NAALAD2: variants seen among roughly 807,000 people sequenced by gnomAD.
NAALAD2 encodes the protein N-acetylated alpha-linked acidic dipeptidase 2.
In NAALAD2, 89 loss-of-function variants were observed where a neutral mutation model predicts 95.6. That is an observed-to-expected ratio of 0.93 (90% CI 0.78 to 1.11). The LOEUF is 1.11. Among genes scored for constraint, NAALAD2 ranks in the 50% least tolerant of loss-of-function variants. The probability of loss-of-function intolerance (pLI) is 0.00; values close to 1 mark genes in which losing one functional copy is unlikely to be tolerated. For synonymous variants in NAALAD2, 264 were observed against 294.4 expected (o/e 0.90, Z 1.06); for missense variants, 894 against 872.4 (o/e 1.02, Z -0.31).
chr11:90,141,568 T>C (rs1029340156), intron 2 of NAALAD2, among the ~76,000 whole-genome samples: 3 of 150,992 alleles, frequency 2.0e-5, no homozygotes, highest in African/African-American at 7.4e-5. Context: ...TGTTGCATCC[T>C]GTGGCCTTGC....
chr11:90,171,682 A>T (rs982281967), intron 13 of NAALAD2, among the ~76,000 whole-genome samples: 4 of 152,182 alleles, frequency 2.6e-5, no homozygotes, highest in Admixed American at 1.3e-4. Context: ...CTCTCCTGTA[A>T]ACTGATTATT....
chr11:90,155,754 T>A, intron 6 of NAALAD2, among the ~76,000 whole-genome samples: 1 of 126,298 alleles, frequency 7.9e-6, no homozygotes, highest in Non-Finnish European at 1.6e-5. Flanking sequence ...TATTATTACA[T>A]ATGTATGTAT....
chr11:90,161,083 A>G (rs550421997), intron 8 of NAALAD2, among the ~76,000 whole-genome samples: 1 of 152,338 alleles, frequency 6.6e-6, no homozygotes, highest in East Asian at 1.9e-4. Flanking sequence ...GATATAGAGT[A>G]TCAGCAAAGT....
intron 18 of NAALAD2, among the ~76,000 whole-genome samples, chr11:90,184,163 A>G (rs1443764999): frequency 1.3e-5 from 2 of 152,186 alleles, no homozygotes; most frequent in Non-Finnish European, 2.9e-5. Flanking sequence ...AAGGCTATTT[A>G]TCATCAAATA....
intron 2 of NAALAD2, among the ~76,000 whole-genome samples, chr11:90,146,343 ATTTTTTTTTTT>A (rs71477596): frequency 2.1e-5 from 1 of 47,944 alleles, no homozygotes; most frequent in Non-Finnish European, 3.7e-5. Context: ...GGGGAGTTTA[ATTTTTTTTTTT>A]TTTTTTTTTT....
chr11:90,152,214 C>T, intron 5 of NAALAD2, 84 bp from the exon 6 acceptor site: 1 of 1,258,476 alleles, frequency 7.9e-7, no homozygotes, highest in Non-Finnish European at 1.1e-6. Flanking sequence ...AAATATCCTT[C>T]CATTATTAAA....
intron 2 of NAALAD2, among the ~76,000 whole-genome samples, chr11:90,136,471 C>T (rs1274112065): frequency 6.6e-6 from 1 of 152,142 alleles, no homozygotes; most frequent in Non-Finnish European, 1.5e-5. Flanking sequence ...TGGGCAATCA[C>T]TAACCAATTT....
chr11:90,191,848 C>T lies in NAALAD2; in HGVS notation c.*101C>T. The T allele has an allele frequency of 1.1e-6, 1 of 906,884 alleles. No homozygotes were observed. The highest frequency in any genetic ancestry group is 1.5e-6 in the Non-Finnish European group (1 of 654,124). The allele number at this position is 906,884 out of a possible 1,614,324, so 56.2% of individuals were successfully genotyped here. A position where few individuals can be genotyped will look rare whatever the true frequency, so the allele number is the denominator to read the frequency against. ...AAGCCAGGGTGTTCTAAACTCTTTT[C>T]ATGTCATGTTTTGATTATAGGCTTT... On this transcript the variant is annotated 3_prime_UTR_variant, in exon 19 of 19. Coordinates refer to ENST00000534061, the MANE Select transcript of NAALAD2 (RefSeq NM_005467.4).
chr11:90,151,018 A>T (rs1348580412), intron 5 of NAALAD2, among the ~76,000 whole-genome samples: 1 of 151,998 alleles, frequency 6.6e-6, no homozygotes, highest in South Asian at 2.1e-4. Flanking sequence ...TTTACATTGT[A>T]TATTATAAGA....
chr11:90,158,263 G>C, intron 7 of NAALAD2, 25 bp downstream of exon 7: 2 of 1,541,570 alleles, frequency 1.3e-6, no homozygotes, highest in Non-Finnish European at 1.8e-6. Flanking sequence ...TTGGATATGA[G>C]ATTAAGATAT....
chr11:90,177,586 G>GTTTTGTTTTTTTTTTTTTTTTTTTT (rs1952833043), intron 15 of NAALAD2, among the ~76,000 whole-genome samples: 2 of 28,456 alleles, frequency 7.0e-5, no homozygotes, highest in African/African-American at 2.8e-4. Context: ...TCTTTTTCTT[G>GTTTTGTTTTTTTTTTTTTTTTTTTT]TTTTTTTTTT....
At chr11:90,153,969 T>A (rs1951955039) in intron 6 of NAALAD2, among the ~76,000 whole-genome samples, 1 of 152,006 alleles carries the variant, frequency 6.6e-6, no homozygotes. Context: ...CATACATGAT[T>A]ATGTCATCTG....
chr11:90,185,676 G>A (rs1197582675), intron 18 of NAALAD2, among the ~76,000 whole-genome samples: 1 of 151,934 alleles, frequency 6.6e-6, no homozygotes, highest in African/African-American at 2.4e-5. Flanking sequence ...CATTTTTTTA[G>A]ATAAAAGATT....
chr11:90,155,962 G>A (rs984691282), intron 6 of NAALAD2, among the ~76,000 whole-genome samples: 8 of 146,742 alleles, frequency 5.5e-5, no homozygotes, highest in African/African-American at 2.0e-4. Flanking sequence ...GTGAGCCTTG[G>A]TAGTTTGCAT....
chr11:90,163,947 A>C (rs1952368608), intron 11 of NAALAD2: 1 of 431,284 alleles, frequency 2.3e-6, no homozygotes, highest in African/African-American at 2.1e-5. Flanking sequence ...ACTTATCTAA[A>C]AACTGATACA....
At chr11:90,163,741 A>C (rs559939510) in intron 11 of NAALAD2, 124 bp downstream of exon 11, 9 of 897,792 alleles carry the variant, frequency 1.0e-5, no homozygotes, top group Admixed American at 8.5e-5. Context: ...AGAATGACTC[A>C]AGACAATTTA....
At chr11:90,168,099 G>C (rs1021553030) in intron 11 of NAALAD2, among the ~76,000 whole-genome samples, 4 of 150,300 alleles carry the variant, frequency 2.7e-5, no homozygotes, top group African/African-American at 9.9e-5. Context: ...AACTTTACTC[G>C]TGAAGCCAGT....
At chr11:90,165,997 G>A (rs1952430918) in intron 11 of NAALAD2, among the ~76,000 whole-genome samples, 1 of 152,102 alleles carries the variant, frequency 6.6e-6, no homozygotes, top group Non-Finnish European at 1.5e-5. Context: ...TCAGTAGCAT[G>A]CTTACCTTCT....
In NAALAD2 at chr11:90,184,314, C is replaced by CT. The variant is rs1857057450; in HGVS notation, c.2033+1308dup. Reference sequence around the variant, plus strand: ...GACCTGGAAAAATTATTTTTCTAAGCTTCAGATCCCTCAGCTACTAAGTGG... The same window carrying CT: ...GACCTGGAAAAATTATTTTTCTAAGCTTTCAGATCCCTCAGCTACTAAGTGG... On this transcript the variant is annotated intron_variant, in intron 18 of 18. Transcript: ENST00000534061. 4.6e-5 allele frequency among the ~76,000 whole-genome samples: 7 copies of CT among 152,130 alleles called. No individual in the cohort carries two copies. The South Asian group carries it at 1.4e-3, about 31-fold the overall frequency.
Sources: gnomAD v4.1 joint callset for allele counts (sites outside exome capture counted in the v4.1 genomes callset) on GRCh38, gnomAD v4.1.1 for gene constraint, MANE v1.5 for transcripts, NCBI Gene and HGNC (gene_info 2026-07-23, HGNC 2026-07-21) for gene names.